The following MYO18B variants were observed in gnomAD, a reference collection of about 807,000 sequenced individuals.
MYO18B encodes unconventional myosin-XVIIIb.
In MYO18B, 204 loss-of-function variants were observed where a neutral mutation model predicts 273.0. That is an observed-to-expected ratio of 0.75 (90% confidence interval 0.67 to 0.84). The LOEUF is 0.84. Among genes scored for constraint, MYO18B ranks in the 40% least tolerant of loss-of-function variants. The probability of loss-of-function intolerance (pLI) is 0.00; values close to 1 mark genes in which losing one functional copy is unlikely to be tolerated. For synonymous variants in MYO18B, 1,330 were observed against 1,305.7 expected (o/e 1.02, Z -0.40); for missense variants, 3,212 against 3,287.6 (o/e 0.98, Z 0.56).
Position 25,777,668 on chromosome 22 carries a change from G to A in MYO18B, c.1955G>A (p.Arg652Lys). ...RAYWALLNQR[R>K]DQSIVALGWS... ...TACTGGGCGCTGCTGAACCAGCGGA[G>A]AGACCAGAGCATTGTGGCCCTGGGC... The change falls in exon 8 of 44, where the codon AGA becomes AAA. Residue 652 changes from arginine (R) to lysine (K), a missense_variant. By Grantham distance (26) the Arg-to-Lys change is conservative. Transcript: ENST00000335473. 1 of 1,613,152 alleles carries A rather than the reference G, an allele frequency of 6.2e-7. No homozygotes were observed. The highest frequency in any genetic ancestry group is 8.5e-7 in the Non-Finnish European group (1 of 1,179,480).
chr22:25,816,482 A>G (rs1434206692), intron 12 of MYO18B, among the ~76,000 whole-genome samples: 6 of 151,756 alleles, frequency 4.0e-5, no homozygotes, highest in Admixed American at 6.6e-5. Context: ...TCCTACTGCT[A>G]TCCCTCCCCC....
intron 39 of MYO18B, among the ~76,000 whole-genome samples, chr22:25,990,686 C>CAAAAAAAAAAAAAAA (rs745998234): frequency 3.7e-5 from 1 of 27,014 alleles, no homozygotes; most frequent in Non-Finnish European, 6.3e-5. Context: ...GACTTTGTCT[C>CAAAAAAAAAAAAAAA]AAAAAAAAAA....
intron 27 of MYO18B, among the ~76,000 whole-genome samples, chr22:25,891,760 C>A (rs2091668092): frequency 6.6e-6 from 1 of 152,182 alleles, no homozygotes; most frequent in Non-Finnish European, 1.5e-5. Flanking sequence ...GGCGTGGTGG[C>A]TCACACCTAT....
intron 34 of MYO18B, among the ~76,000 whole-genome samples, chr22:25,923,154 G>C (rs1601585884): frequency 6.6e-6 from 1 of 152,226 alleles, no homozygotes; most frequent in African/African-American, 2.4e-5. Flanking sequence ...GCGAGTTTAT[G>C]TGCTATTGGA....
the MYO18B span, among the ~76,000 whole-genome samples, chr22:26,040,646 A>G: frequency 2.6e-5 from 4 of 152,172 alleles, no homozygotes; most frequent in African/African-American, 9.7e-5. Context: ...ATATTTAAGT[A>G]AAGATCTGAA....
In MYO18B at chr22:25,847,418, T is replaced by C. The variant is rs1167251985; in HGVS notation, c.3553-12T>C. 3 of 1,556,656 alleles carry C rather than the reference T, an allele frequency of 1.9e-6. No homozygotes were observed. The Admixed American group carries it at 5.8e-5, about 30-fold the overall frequency. ...GAGACAACTGGCCCTGACCTCCCTC[T>C]ATTTGGTCTAGGATGCGCTGACCAG... On this transcript the variant is annotated splice_polypyrimidine_tract_variant and intron_variant, in intron 19 of 43. Coordinates refer to ENST00000335473, the MANE Select transcript of MYO18B (RefSeq NM_032608.7).
chr22:25,766,449 C>G (rs2086510558), intron 3 of MYO18B, among the ~76,000 whole-genome samples: 5 of 152,078 alleles, frequency 3.3e-5, no homozygotes, highest in Admixed American at 3.3e-4. Context: ...GACACAAAAG[C>G]CAGAATGGAA....
intron 34 of MYO18B, among the ~76,000 whole-genome samples, chr22:25,942,022 G>T (rs1468461328): frequency 1.3e-5 from 2 of 152,186 alleles, no homozygotes; most frequent in Non-Finnish European, 2.9e-5. Context: ...AACGACAATT[G>T]TTACCATTTT....
intron 21 of MYO18B, among the ~76,000 whole-genome samples, chr22:25,855,203 TG>T (rs1397347760): frequency 6.6e-6 from 1 of 152,158 alleles, no homozygotes; most frequent in East Asian, 1.9e-4. Flanking sequence ...ATGTGGTATT[TG>T]GTTTTCTGTT....
intron 39 of MYO18B, among the ~76,000 whole-genome samples, chr22:25,977,744 G>C (rs2093107354): frequency 6.6e-6 from 1 of 152,194 alleles, no homozygotes; most frequent in African/African-American, 2.4e-5. Context: ...GAATAGGAAA[G>C]GGAGCTGATG....
At chr22:25,806,897 C>T (rs1423892795) in intron 12 of MYO18B, among the ~76,000 whole-genome samples, 6 of 152,164 alleles carry the variant, frequency 3.9e-5, no homozygotes, top group African/African-American at 1.2e-4. Context: ...CTTTTCATCT[C>T]GTTGGACCTC....
intron 34 of MYO18B, among the ~76,000 whole-genome samples, chr22:25,941,645 C>T (rs1184976269): frequency 6.6e-6 from 1 of 152,212 alleles, no homozygotes; most frequent in Non-Finnish European, 1.5e-5. Flanking sequence ...CCAGAGGTGG[C>T]CCCATATTTC....
intron 39 of MYO18B, among the ~76,000 whole-genome samples, chr22:25,982,678 C>T (rs938239565): frequency 7.3e-6 from 1 of 137,906 alleles, no homozygotes; most frequent in South Asian, 2.5e-4. Flanking sequence ...GCTGCTTTCT[C>T]CCCCACTGAC....
chr22:25,781,822 A>G lies in MYO18B; in HGVS notation c.2300A>G (p.Asp767Gly), dbSNP rs751051563. ...LVFSQMLAGL[D>G]LDLRTELNLH... ...TTCTCCCAGATGCTGGCTGGATTGG[A>G]CTTGGATCTCAGGTGAGCACTTGGG... Residue 767 changes from aspartate to glycine, a missense_variant, in exon 10 of 44, where the codon GAC becomes GGC. Physicochemically the swap from Asp to Gly is moderately conservative, Grantham distance 94. Transcript: ENST00000335473. 19 of 1,582,038 alleles carry G rather than the reference A, an allele frequency of 1.2e-5. No individual in the cohort carries two copies. The highest frequency in any genetic ancestry group is 1.6e-5 in the Non-Finnish European group (19 of 1,166,106).
At chr22:25,933,857 G>A (rs925314031) in intron 34 of MYO18B, among the ~76,000 whole-genome samples, 3 of 152,216 alleles carry the variant, frequency 2.0e-5, no homozygotes, top group Non-Finnish European at 4.4e-5. Context: ...AACTAGAAGT[G>A]TGGTATCTCT....
chr22:25,921,788 A>G lies in MYO18B; in HGVS notation c.5517+379A>G, dbSNP rs907081255. Among the ~76,000 whole-genome samples the G allele has an allele frequency of 2.2e-5, 3 of 139,176 alleles. No individual in the cohort carries two copies. The Admixed American group carries it at 2.2e-4, about 10-fold the overall frequency. 91.3% of individuals were successfully genotyped at this position (139,176 alleles called of 152,430 possible). On this transcript the variant is annotated intron_variant, in intron 34 of 43. Coordinates refer to ENST00000335473, the MANE Select transcript of MYO18B (RefSeq NM_032608.7). ...TATGCGTGTGTGTGTGGTGACTGCC[A>G]GGACTAGGTATGAGCCAAATAGCAA...
At chr22:26,047,707 G>GTA in the MYO18B span, among the ~76,000 whole-genome samples, 4 of 151,940 alleles carry the variant, frequency 2.6e-5, no homozygotes, top group African/African-American at 9.7e-5. Context: ...ATTAATAATT[G>GTA]TATATATATA....
At position 25,903,752 on chromosome 22, in the gene MYO18B, T is replaced by C. The variant is rs549502140; in HGVS notation, c.5069T>C (p.Leu1690Pro). 6.2e-7 allele frequency: 1 copy of C among 1,604,874 alleles called. No individual in the cohort carries two copies. The highest frequency in any genetic ancestry group is 1.3e-5 in the African/African-American group (1 of 74,768). ...TGCGTTGCTGGCTTGAAGGAGAGGCTCTGGAAGTTGGAATCCAGCGCCCTT... is the reference window on the plus strand; with the variant it reads ...TGCGTTGCTGGCTTGAAGGAGAGGCCCTGGAAGTTGGAATCCAGCGCCCTT... ...ENCVAGLKER[L>P]WKLESSALEQ... is the part of the protein sequence containing the mutation. The change falls in exon 31 of 44, where the codon CTC (leucine) becomes CCC (proline). Residue 1690 changes from leucine to proline, a missense_variant. By Grantham distance (98) the Leu-to-Pro change is moderately conservative. Coordinates refer to ENST00000335473, the MANE Select transcript of MYO18B (RefSeq NM_032608.7).
At chr22:25,782,426 G>A (rs2087202810) in intron 10 of MYO18B, among the ~76,000 whole-genome samples, 1 of 152,212 alleles carries the variant, frequency 6.6e-6, no homozygotes, top group African/African-American at 2.4e-5. Flanking sequence ...GCTGAGTGGA[G>A]CAGTGAGCTG....
Sources: gnomAD v4.1 joint callset for allele counts (sites outside exome capture counted in the v4.1 genomes callset) on GRCh38, gnomAD v4.1.1 for gene constraint, MANE v1.5 for transcripts, NCBI Gene and HGNC (gene_info 2026-07-23, HGNC 2026-07-21) for gene names.